Variants in ZCCHC7 observed in about 807,000 individuals in gnomAD.
The protein encoded by ZCCHC7 is zinc finger CCHC-type containing 7.
In ZCCHC7, 35 loss-of-function variants were observed where a neutral mutation model predicts 52.0. The observed-to-expected ratio is 0.67, with a 90% confidence interval of 0.51 to 0.89. The LOEUF (loss-of-function observed/expected upper bound fraction) is 0.89. ZCCHC7 is among the 40% of genes least tolerant of loss of function. ZCCHC7 has a pLI of 0.00. For missense variants in ZCCHC7, 574 were observed against 649.1 expected, an observed-to-expected ratio of 0.88 and a Z score of 1.26; for synonymous variants, 217 against 221.5, an observed-to-expected ratio of 0.98 and a Z score of 0.18.
At chr9:37,336,890 G>C (rs2118382866) in intron 6 of ZCCHC7, among the ~76,000 whole-genome samples, 2 of 152,036 alleles carry the variant, frequency 1.3e-5, no homozygotes, top group East Asian at 1.9e-4. Flanking sequence ...GTACTAAATG[G>C]TTTCTTTGTA....
At chr9:37,285,301 A>G (rs1588612469) in intron 2 of ZCCHC7, among the ~76,000 whole-genome samples, 1 of 152,298 alleles carries the variant, frequency 6.6e-6, no homozygotes, top group East Asian at 1.9e-4. Flanking sequence ...TAATTACTCA[A>G]TATGTCTTGG....
intron 2 of ZCCHC7, among the ~76,000 whole-genome samples, chr9:37,289,549 C>G (rs1348793183): frequency 6.6e-6 from 1 of 152,182 alleles, no homozygotes; most frequent in Non-Finnish European, 1.5e-5. Context: ...CTACTCCACC[C>G]TGGTCAGAGG....
At chr9:37,182,983 T>G (rs1384021261) in intron 2 of ZCCHC7, among the ~76,000 whole-genome samples, 1 of 152,124 alleles carries the variant, frequency 6.6e-6, no homozygotes, top group Non-Finnish European at 1.5e-5. Flanking sequence ...GGCACCATAG[T>G]GAGACCCCCA....
chr9:37,262,888 A>C (rs1826933222), intron 2 of ZCCHC7, among the ~76,000 whole-genome samples: 1 of 152,130 alleles, frequency 6.6e-6, no homozygotes, highest in South Asian at 2.1e-4. Context: ...ACCCTTGTTT[A>C]CTAAATTCTT....
chr9:37,298,980 A>G (rs951617646), intron 2 of ZCCHC7, among the ~76,000 whole-genome samples: 2 of 152,176 alleles, frequency 1.3e-5, no homozygotes, highest in African/African-American at 4.8e-5. Context: ...CACCTTGCTC[A>G]TTTAATCTTC....
At chr9:37,228,316 ATTACT>A (rs1273280248) in intron 2 of ZCCHC7, among the ~76,000 whole-genome samples, 28 of 152,078 alleles carry the variant, frequency 1.8e-4, no homozygotes, top group Admixed American at 1.0e-3. Flanking sequence ...TACATTATAA[ATTACT>A]TTATGCATTT....
intron 2 of ZCCHC7, among the ~76,000 whole-genome samples, chr9:37,199,662 G>T (rs530742036): frequency 0.028 from 3,501 of 124,294 alleles, 141 homozygotes; most frequent in African/African-American, 0.11. Flanking sequence ...CTGTCTGTCT[G>T]TCTGTCTTTC....
intron 5 of ZCCHC7, among the ~76,000 whole-genome samples, chr9:37,318,774 G>A (rs114555471): frequency 0.051 from 7,672 of 151,334 alleles, 631 homozygotes; most frequent in African/African-American, 0.17. Context: ...TTAGCCAGGC[G>A]TGGCAGCGCA....
At chr9:37,120,537 G>T, upstream of ZCCHC7, 1 of 399,158 alleles carries the variant, frequency 2.5e-6, no homozygotes. Context: ...CGCGGACGCG[G>T]CCTCCTTACC....
intron 5 of ZCCHC7, chr9:37,322,470 A>G (rs193268640): frequency 2.6e-4 from 39 of 152,214 alleles, no homozygotes; most frequent in African/African-American, 8.7e-4. Flanking sequence ...GAGTTGAATT[A>G]AAGAAAGTTG....
At chr9:37,261,313 A>T (rs916970294) in intron 2 of ZCCHC7, among the ~76,000 whole-genome samples, 17 of 152,212 alleles carry the variant, frequency 1.1e-4, no homozygotes, top group African/African-American at 4.1e-4. Context: ...CAAGCAATGT[A>T]TATGAAAGGT....
intron 2 of ZCCHC7, among the ~76,000 whole-genome samples, chr9:37,166,965 A>C (rs1821456120): frequency 6.6e-6 from 1 of 152,226 alleles, no homozygotes; most frequent in Non-Finnish European, 1.5e-5. Context: ...TATAGCCCAG[A>C]ATATGGCTCT....
At chr9:37,143,326 G>T (rs976241953) in intron 2 of ZCCHC7, among the ~76,000 whole-genome samples, 3 of 151,786 alleles carry the variant, frequency 2.0e-5, no homozygotes, top group African/African-American at 7.2e-5. Context: ...TGCTATGAAG[G>T]TAAGCCAATG....
At chr9:37,193,754 A>C (rs530940669) in intron 2 of ZCCHC7, among the ~76,000 whole-genome samples, 2 of 152,338 alleles carry the variant, frequency 1.3e-5, no homozygotes, top group South Asian at 4.1e-4. Context: ...ATGAGGTGGT[A>C]ATCCTGCCCT....
rs538469251 is a variant in ZCCHC7, at chr9:37,354,810, A to T, written c.1184A>T (p.Lys395Ile). Residue 395 changes from lysine to isoleucine, a missense_variant, in exon 8 of 9, where the codon AAA becomes ATA. Physicochemically the swap from Lys to Ile is moderately radical, Grantham distance 102. This residue lies in a region of ZCCHC7 where 3 missense variants were observed against 16.3 expected (regional missense o/e 0.18). Coordinates refer to ENST00000336755, the MANE Select transcript of ZCCHC7 (RefSeq NM_032226.3). This position sits in a 1 kb window ranked among gnomAD's most constrained non-coding sequence, Gnocchi z 4.0. Reference sequence around the variant, plus strand: ...ATTCAGGAGAGAGAAAAGAGACTAAAACAAAAAATAAAAGGTATGTTGCTA... The same window carrying T: ...ATTCAGGAGAGAGAAAAGAGACTAATACAAAAAATAAAAGGTATGTTGCTA... ...YEIQEREKRL[K>I]QKIKVLKKNG... The T allele has an allele frequency of 6.2e-7, 1 of 1,602,688 alleles. No individual in the cohort carries two copies. Among genetic ancestry groups the T allele is most frequent in the Non-Finnish European group, 8.5e-7 (1 of 1,171,312 alleles).
At chr9:37,203,963 G>A (rs1319705716) in intron 2 of ZCCHC7, among the ~76,000 whole-genome samples, 1 of 152,182 alleles carries the variant, frequency 6.6e-6, no homozygotes, top group Non-Finnish European at 1.5e-5. Flanking sequence ...AGCCTCGCCA[G>A]CATTTGTTGT....
intron 2 of ZCCHC7, among the ~76,000 whole-genome samples, chr9:37,229,728 T>G (rs1213947205): frequency 6.6e-6 from 1 of 152,324 alleles, no homozygotes; most frequent in Non-Finnish European, 1.5e-5. Flanking sequence ...CACTGTACAC[T>G]TAGGCTACAC....
intron 2 of ZCCHC7, among the ~76,000 whole-genome samples, chr9:37,301,600 CA>C (rs1233631423): frequency 2.0e-5 from 3 of 151,066 alleles, no homozygotes; most frequent in South Asian, 2.1e-4. Flanking sequence ...ACCCTGTCTC[CA>C]AAAAAAACAA....
intron 2 of ZCCHC7, among the ~76,000 whole-genome samples, chr9:37,209,726 T>C (rs1211618997): frequency 2.6e-5 from 4 of 152,196 alleles, no homozygotes; most frequent in African/African-American, 9.7e-5. Flanking sequence ...TATTTGTGTT[T>C]ATAAGGGAAA....
Sources: gnomAD v4.1 joint callset for allele counts (sites outside exome capture counted in the v4.1 genomes callset) on GRCh38, gnomAD v4.1.1 for gene constraint, gnomAD v4.1.1 regional missense constraint, Gnocchi (gnomAD v3.1) non-coding constraint, MANE v1.5 for transcripts, NCBI Gene and HGNC (gene_info 2026-07-23, HGNC 2026-07-21) for gene names.